COL4A2: variants seen among roughly 807,000 people sequenced by gnomAD.
COL4A2 encodes the protein collagen alpha-2(IV) chain.
In COL4A2, 99 loss-of-function variants were observed where a neutral mutation model predicts 200.2. The ratio of observed to expected loss-of-function variants is 0.49; its 90% CI spans 0.42 to 0.58. The LOEUF is 0.58. Ranked by LOEUF, COL4A2 falls within the 20% of genes least tolerant of loss-of-function variation. The pLI, the probability that COL4A2 is intolerant of heterozygous loss-of-function variation, is 0.00. For missense variants in COL4A2, 1,950 were observed against 2,314.1 expected (o/e 0.84, Z 3.23); for synonymous variants, 897 against 900.6 (o/e 1.00, Z 0.07).
chr13:110,458,071 G>C (rs7325055), intron 21 of COL4A2: 253,394 of 460,658 alleles, frequency 0.55, 72,455 homozygotes, highest in Middle Eastern at 0.7. Context: ...AGAACATGGG[G>C]AGCACTTCCT....
chr13:110,410,383 AGCTTCT>A (rs1879785925), intron 4 of COL4A2, among the ~76,000 whole-genome samples: 1 of 152,206 alleles, frequency 6.6e-6, no homozygotes, highest in African/African-American at 2.4e-5. Flanking sequence ...TCCTGAGGGT[AGCTTCT>A]GGCTGTAAAC....
At position 110,480,445 on chromosome 13, in the gene COL4A2, ACT is replaced by A. The variant is rs1368677061; in HGVS notation, c.2758+58_2758+59del. ...TTGGCGGGGAGGTTGGGTCTAATCA[ACT>A]CTGACCTGAGACAGCTCTGCTGGGC... On this transcript the variant is annotated intron_variant, in intron 31 of 47. Transcript: ENST00000360467. The A allele has an allele frequency of 4.6e-6, 7 of 1,532,262 alleles. No individual in the cohort carries two copies. The Admixed American group carries it at 1.0e-4, about 22-fold the overall frequency. The allele number at this position is 1,532,262 out of a possible 1,614,324, so 94.9% of individuals were successfully genotyped here. A position where few individuals can be genotyped will look rare whatever the true frequency, so the allele number is the denominator to read the frequency against.
At chr13:110,450,701 CAGTG>C (rs879763420) in intron 20 of COL4A2, among the ~76,000 whole-genome samples, 1 of 152,218 alleles carries the variant, frequency 6.6e-6, no homozygotes, top group African/African-American at 2.4e-5. Flanking sequence ...GGATGCCACA[CAGTG>C]AGGTTTAGTT....
chr13:110,478,072 C>G lies in COL4A2; in HGVS notation c.2495C>G (p.Pro832Arg). 1 of 1,608,690 alleles carries G rather than the reference C, an allele frequency of 6.2e-7. No individual in the cohort carries two copies. Among genetic ancestry groups the G allele is most frequent in the Non-Finnish European group, 8.5e-7 (1 of 1,176,754 alleles). Residue 832 changes from proline (P) to arginine (R), a missense_variant, in exon 30 of 48, where the codon CCA (proline) becomes CGA (arginine). By Grantham distance (103) the Pro-to-Arg change is moderately radical. Transcript: ENST00000360467. Reference sequence around the variant, plus strand: ...GGCCTCCCAGGACCTTCCGGCCAGCCAGGCCTGTATGGGCCTCCAGGACTG... The same window carrying G: ...GGCCTCCCAGGACCTTCCGGCCAGCGAGGCCTGTATGGGCCTCCAGGACTG... Reference protein sequence around the residue: ...QPGLPGPSGQPGLYGPPGLHG... With the variant: ...QPGLPGPSGQRGLYGPPGLHG...
chr13:110,439,724 C>T, intron 15 of COL4A2, 65 bp from the exon 16 acceptor site: 1 of 1,611,342 alleles, frequency 6.2e-7, no homozygotes, highest in Non-Finnish European at 8.5e-7. Context: ...GTGCCGTAGT[C>T]AAGCCCTCTG....
chr13:110,471,679 G>A (rs1363668858), intron 28 of COL4A2, among the ~76,000 whole-genome samples: 3 of 152,182 alleles, frequency 2.0e-5, no homozygotes, highest in Non-Finnish European at 4.4e-5. Context: ...CCTTTATTCT[G>A]TATTCCAGTT....
intron 3 of COL4A2, among the ~76,000 whole-genome samples, chr13:110,351,398 T>C (rs1876956023): frequency 6.6e-6 from 1 of 152,182 alleles, no homozygotes; most frequent in Middle Eastern, 3.2e-3. Flanking sequence ...CTTTGCTGCC[T>C]GTGGCTTTCT....
At chr13:110,461,629 T>A (rs945417832) in intron 22 of COL4A2, among the ~76,000 whole-genome samples, 2 of 152,218 alleles carry the variant, frequency 1.3e-5, no homozygotes, top group African/African-American at 4.8e-5. Flanking sequence ...CAAGTGACTC[T>A]CCTGCCTCAG....
At chr13:110,434,254 A>G (rs1353592435) in intron 11 of COL4A2, 147 bp from the exon 12 acceptor site, 1 of 689,726 alleles carries the variant, frequency 1.4e-6, no homozygotes, top group African/African-American at 1.8e-5. Flanking sequence ...TAGTTTCTAC[A>G]ATGCAAAGCA....
intron 4 of COL4A2, among the ~76,000 whole-genome samples, chr13:110,409,749 A>C (rs534366862): frequency 1.3e-5 from 2 of 152,306 alleles, no homozygotes; most frequent in East Asian, 3.9e-4. Flanking sequence ...TTTCCACCAG[A>C]CTAAAGAAAG....
intron 4 of COL4A2, among the ~76,000 whole-genome samples, chr13:110,394,113 A>T (rs1351085891): frequency 6.6e-6 from 1 of 152,118 alleles, no homozygotes; most frequent in Admixed American, 6.5e-5. Flanking sequence ...CTTTGTAAAA[A>T]ATTTTTCTCA....
At chr13:110,469,045 A>G (rs1882360442) in intron 27 of COL4A2, among the ~76,000 whole-genome samples, 172 bp from the exon 28 acceptor site, 2 of 152,344 alleles carry the variant, frequency 1.3e-5, no homozygotes, top group South Asian at 4.1e-4. Context: ...ACAGGATTTT[A>G]AACACTGAAA....
intron 4 of COL4A2, among the ~76,000 whole-genome samples, chr13:110,371,692 G>A (rs1259930496): frequency 2.6e-5 from 4 of 152,180 alleles, no homozygotes; most frequent in Admixed American, 6.5e-5. Flanking sequence ...CGCTCTCCAC[G>A]TAGCTCTGCT....
chr13:110,339,490 C>T (rs1876357717), intron 3 of COL4A2, among the ~76,000 whole-genome samples: 1 of 152,144 alleles, frequency 6.6e-6, no homozygotes. Flanking sequence ...TTACTGCCTC[C>T]GACCCAATTG....
intron 4 of COL4A2, among the ~76,000 whole-genome samples, chr13:110,368,068 T>C (rs1042957826): frequency 1.4e-4 from 22 of 152,164 alleles, no homozygotes; most frequent in Admixed American, 3.9e-4. Flanking sequence ...TTGCAAATAT[T>C]TGGACTTCTC....
chr13:110,383,890 G>T (rs962138931), intron 4 of COL4A2, among the ~76,000 whole-genome samples: 4 of 152,292 alleles, frequency 2.6e-5, no homozygotes, highest in East Asian at 3.9e-4. Flanking sequence ...GACATTACAG[G>T]CATGAGCCAC....
intron 4 of COL4A2, among the ~76,000 whole-genome samples, chr13:110,392,456 G>A (rs1879024274): frequency 6.6e-6 from 1 of 152,142 alleles, no homozygotes; most frequent in African/African-American, 2.4e-5. Context: ...GACCCTCGAG[G>A]GCAGTGGGAG....
chr13:110,431,480 C>T (rs374922799), intron 10 of COL4A2, among the ~76,000 whole-genome samples: 4 of 152,168 alleles, frequency 2.6e-5, no homozygotes, highest in African/African-American at 7.2e-5. Context: ...CAAATTTCCC[C>T]GGTGCTGTGA....
At chr13:110,373,143 G>C (rs1878090073) in intron 4 of COL4A2, among the ~76,000 whole-genome samples, 1 of 152,220 alleles carries the variant, frequency 6.6e-6, no homozygotes, top group Non-Finnish European at 1.5e-5. Context: ...ATCATTTGGG[G>C]TGTCTGATCC....
Sources: gnomAD v4.1 joint callset for allele counts (sites outside exome capture counted in the v4.1 genomes callset) on GRCh38, gnomAD v4.1.1 for gene constraint, MANE v1.5 for transcripts, NCBI Gene and HGNC (gene_info 2026-07-23, HGNC 2026-07-21) for gene names.